The following TG variants were observed in gnomAD, a reference collection of about 807,000 sequenced individuals.
The protein encoded by TG is thyroglobulin, also known as thyroid hormones.
In TG, 270 loss-of-function variants were observed where a neutral mutation model predicts 324.7. The ratio of observed to expected loss-of-function variants is 0.83; its 90% CI spans 0.75 to 0.92. TG has a LOEUF of 0.92. Among genes scored for constraint, TG ranks in the 40% least tolerant of loss-of-function variants. The pLI, the probability that TG is intolerant of heterozygous loss-of-function variation, is 0.00. For synonymous variants in TG, 1,401 were observed against 1,327.0 expected (o/e 1.06, Z -1.21); for missense variants, 3,591 against 3,456.4 (o/e 1.04, Z -0.98).
chr8:133,043,661 T>C (rs183663138), intron 41 of TG, among the ~76,000 whole-genome samples: 196 of 152,294 alleles, frequency 1.3e-3, no homozygotes, highest in African/African-American at 4.6e-3. Flanking sequence ...AATCTGAGCT[T>C]GGACCTGCCT....
intron 38 of TG, 88 bp downstream of exon 38, chr8:133,018,085 A>T (rs1193197080): frequency 3.8e-6 from 5 of 1,327,462 alleles, no homozygotes; most frequent in Non-Finnish European, 5.3e-6. Context: ...GTAGCAGAGC[A>T]GTGCATTTTG....
intron 43 of TG, among the ~76,000 whole-genome samples, chr8:133,107,940 T>C (rs1849941991): frequency 2.0e-5 from 3 of 150,884 alleles, no homozygotes; most frequent in Admixed American, 2.0e-4. Flanking sequence ...TGAAGGAGGC[T>C]CCATCCATGA....
chr8:133,064,938 A>G (rs764836715), intron 41 of TG, among the ~76,000 whole-genome samples: 7 of 152,192 alleles, frequency 4.6e-5, no homozygotes, highest in South Asian at 2.1e-4. Context: ...AAGTCCAACC[A>G]AGGGAAGGCA....
chr8:132,886,276 G>A (rs60815273), intron 8 of TG, among the ~76,000 whole-genome samples, 172 bp from the exon 9 acceptor site: 2,454 of 152,274 alleles, frequency 0.016, 68 homozygotes, highest in African/African-American at 0.057. Flanking sequence ...CCCCACAAAG[G>A]CAGCTCAGGG....
chr8:133,059,675 G>T (rs999832335), intron 41 of TG, among the ~76,000 whole-genome samples: 5 of 152,164 alleles, frequency 3.3e-5, no homozygotes, highest in Non-Finnish European at 7.3e-5. Context: ...CTCTTGCGGG[G>T]CTAAGTATAA....
intron 45 of TG, 67 bp downstream of exon 45, chr8:133,116,783 T>G: frequency 7.5e-7 from 1 of 1,332,890 alleles, no homozygotes; most frequent in South Asian, 1.2e-5. Flanking sequence ...TTCGATGACA[T>G]GGGACACACC....
Position 132,901,273 on chromosome 8 carries a change from G to A in TG, c.3434-80G>A, listed in dbSNP as rs568468201. ...GGCAGGTGGGCTGAGGGTGGCCGTG[G>A]GTGGTGAGGAGGGTGATTGGGCATC... On this transcript the variant is annotated intron_variant, in intron 15 of 47. Transcript: ENST00000220616. The A allele has an allele frequency of 4.5e-6, 7 of 1,555,814 alleles. No homozygotes were observed. The East Asian group carries it at 1.6e-4, about 35-fold the overall frequency.
intron 26 of TG, among the ~76,000 whole-genome samples, chr8:132,945,211 T>C (rs1825068090): frequency 6.6e-6 from 1 of 152,144 alleles, no homozygotes; most frequent in South Asian, 2.1e-4. Flanking sequence ...TTAGAAACTG[T>C]CGCAGTAGTC....
At chr8:132,959,674 T>C (rs917813665) in intron 27 of TG, among the ~76,000 whole-genome samples, 7 of 152,170 alleles carry the variant, frequency 4.6e-5, no homozygotes, top group Admixed American at 4.6e-4. Context: ...GGAAGGAGTA[T>C]GGGATTTGAA....
At chr8:132,969,685 G>A in intron 32 of TG, 116 bp downstream of exon 32, 1 of 778,638 alleles carries the variant, frequency 1.3e-6, no homozygotes, top group Admixed American at 2.0e-5. Context: ...GGCCGAGCTG[G>A]GCTGATCACG....
chr8:133,097,136 T>C (rs1276116520), intron 43 of TG, among the ~76,000 whole-genome samples: 1 of 152,226 alleles, frequency 6.6e-6, no homozygotes, highest in Non-Finnish European at 1.5e-5. Flanking sequence ...GGAGTGCACC[T>C]TCCCCTGCAC....
intron 35 of TG, among the ~76,000 whole-genome samples, chr8:132,986,426 G>GTTTA (rs1564041675): frequency 1.3e-5 from 2 of 150,058 alleles, no homozygotes; most frequent in African/African-American, 4.9e-5. Flanking sequence ...ATATATGTAT[G>GTTTA]TATCTCCAAA....
At chr8:133,019,833 C>A (rs13278046) in intron 39 of TG, 138 bp downstream of exon 39, 8,941 of 704,392 alleles carry the variant, frequency 0.013, 133 homozygotes, top group Middle Eastern at 0.06. Flanking sequence ...CCTAAGGACA[C>A]TCAGTTAGTG....
chr8:132,941,637 T>A (rs1824459645), intron 26 of TG, 95 bp downstream of exon 26: 1 of 1,462,910 alleles, frequency 6.8e-7, no homozygotes, highest in Non-Finnish European at 9.5e-7. Flanking sequence ...GCATGGGGAG[T>A]ACAGTGTGAG....
chr8:132,967,907 T>C lies in TG; in HGVS notation c.5800T>C (p.Ser1934Pro). The C allele has an allele frequency of 6.2e-7, 1 of 1,613,766 alleles. No individual in the cohort carries two copies. The highest frequency in any genetic ancestry group is 8.5e-7 in the Non-Finnish European group (1 of 1,179,922). The stretch of plus-strand genomic sequence containing the variant: ...ACAGGTGTGTGATGACATCATGGAG[T>C]CCAATGCCCAGGGCTGCAGACTGAT... ...EAQVCDDIME[S>P]NAQGCRLILP... is the part of the protein sequence containing the mutation. Residue 1934 changes from serine (S) to proline (P), a missense_variant, in exon 31 of 48, where the codon TCC becomes CCC. Ser to Pro is a moderately conservative substitution (Grantham distance 74). Transcript: ENST00000220616.
intron 5 of TG, among the ~76,000 whole-genome samples, chr8:132,881,077 C>T (rs915299115): frequency 1.3e-5 from 2 of 152,160 alleles, no homozygotes; most frequent in African/African-American, 4.8e-5. Context: ...TTATATAGGG[C>T]ATGAAAACAA....
rs753758627 is a variant in TG, at chr8:132,886,768, A to G, written c.1396A>G (p.Arg466Gly). 5.0e-6 allele frequency: 8 copies of G among 1,614,088 alleles called. No homozygotes were observed. The South Asian group carries it at 5.5e-5, about 11-fold the overall frequency. Residue 466 changes from arginine to glycine, a missense_variant, in exon 9 of 48, where the codon AGA becomes GGA. Arg to Gly is a moderately radical substitution (Grantham distance 125). Transcript: ENST00000220616. The part of the protein sequence containing the change: ...LALQFTTNPK[R>G]LQQNLFGGKF... ...CCTTCAGTTTACCACCAACCCAAAGAGACTCCAGCAAAACCTTTTTGGAGG... is the reference window on the plus strand; with the variant it reads ...CCTTCAGTTTACCACCAACCCAAAGGGACTCCAGCAAAACCTTTTTGGAGG...
intron 27 of TG, among the ~76,000 whole-genome samples, chr8:132,951,001 A>G (rs1008073487): frequency 2.0e-5 from 3 of 152,110 alleles, no homozygotes; most frequent in Admixed American, 6.5e-5. Context: ...TAGGTCTTAG[A>G]GCTTGTAAAT....
intron 41 of TG, among the ~76,000 whole-genome samples, chr8:133,079,675 G>T (rs1845452552): frequency 6.6e-6 from 1 of 152,116 alleles, no homozygotes; most frequent in Non-Finnish European, 1.5e-5. Flanking sequence ...CTACTTTATA[G>T]CTTGATTTGT....
Sources: gnomAD v4.1 joint callset for allele counts (sites outside exome capture counted in the v4.1 genomes callset) on GRCh38, gnomAD v4.1.1 for gene constraint, MANE v1.5 for transcripts, NCBI Gene and HGNC (gene_info 2026-07-23, HGNC 2026-07-21) for gene names.